AUTS2: variants seen among roughly 807,000 people sequenced by gnomAD.
The protein encoded by AUTS2 is activator of transcription and developmental regulator AUTS2.
A neutral mutation model predicts 112.4 loss-of-function variants in AUTS2; 17 were observed. The observed-to-expected ratio is 0.15, with a 90% CI of 0.10 to 0.23. AUTS2 has a LOEUF of 0.23. Among genes scored for constraint, AUTS2 ranks in the 10% least tolerant of loss-of-function variants. The probability of loss-of-function intolerance (pLI) is 1.00; values close to 1 mark genes in which losing one functional copy is unlikely to be tolerated. For missense variants in AUTS2, 1,510 were observed against 1,701.6 expected, an observed-to-expected ratio of 0.89 and a Z score of 1.98; for synonymous variants, 751 against 702.7, an observed-to-expected ratio of 1.07 and a Z score of -1.09.
At chr7:70,137,035 G>A (rs1806601809) in intron 4 of AUTS2, among the ~76,000 whole-genome samples, 1 of 152,180 alleles carries the variant, frequency 6.6e-6, no homozygotes, top group Admixed American at 6.5e-5. Context: ...TTTATCTGTA[G>A]TGATACATTC....
intron 2 of AUTS2, among the ~76,000 whole-genome samples, chr7:70,011,872 G>C (rs1799821526): frequency 6.6e-6 from 1 of 152,138 alleles, no homozygotes; most frequent in Non-Finnish European, 1.5e-5. Context: ...GCTAGACGAA[G>C]TTTCCCTCTG....
At chr7:69,614,368 T>TTTCTTTCTTTCTTTTC in intron 1 of AUTS2, among the ~76,000 whole-genome samples, 6 of 19,514 alleles carry the variant, frequency 3.1e-4, no homozygotes, top group African/African-American at 7.6e-4. Flanking sequence ...TTCTTTCTTT[T>TTTCTTTCTTTCTTTTC]TTTAAGAGAT....
intron 1 of AUTS2, among the ~76,000 whole-genome samples, chr7:69,877,280 C>T (rs751080098): frequency 5.3e-5 from 8 of 152,166 alleles, no homozygotes; most frequent in Non-Finnish European, 7.3e-5. Context: ...AGGAAGCTTG[C>T]TTCCCTGTGC....
chr7:70,565,608 A>C (rs1185334006), intron 5 of AUTS2, among the ~76,000 whole-genome samples: 1 of 152,202 alleles, frequency 6.6e-6, no homozygotes, highest in African/African-American at 2.4e-5. Flanking sequence ...TGAGCACAGG[A>C]GGTTGAGGCT....
chr7:70,070,699 T>C lies in AUTS2; in HGVS notation c.523-47433T>C, dbSNP rs190598710. ...GGCTAACACGGTGAAACCCCGTCTC[T>C]ACTAAAAATACAAAAAATTAGCCGA... On this transcript the variant is annotated intron_variant, in intron 2 of 18. Coordinates refer to ENST00000342771, the MANE Select transcript of AUTS2 (RefSeq NM_015570.4). 3.1e-3 allele frequency among the ~76,000 whole-genome samples: 471 copies of C among 151,924 alleles called. 9 individuals carry two copies. The highest frequency in any genetic ancestry group is 0.028 in the Admixed American group (425 of 15,262).
intron 2 of AUTS2, among the ~76,000 whole-genome samples, chr7:70,052,469 A>G (rs971791813): frequency 2.0e-5 from 3 of 152,150 alleles, no homozygotes; most frequent in Non-Finnish European, 2.9e-5. Flanking sequence ...AGATTTTCCC[A>G]GTCATATATA....
intron 4 of AUTS2, among the ~76,000 whole-genome samples, chr7:70,279,901 G>C (rs1788124154): frequency 6.6e-6 from 1 of 152,178 alleles, no homozygotes; most frequent in Admixed American, 6.5e-5. Context: ...TACAGTAAGA[G>C]TTATATAATA....
chr7:70,619,603 A>T (rs1436494089), intron 5 of AUTS2, among the ~76,000 whole-genome samples: 1 of 151,324 alleles, frequency 6.6e-6, no homozygotes, highest in South Asian at 2.1e-4. Context: ...AATATATTGT[A>T]TATTTTATAA....
chr7:69,767,133 A>G (rs1205300887), intron 1 of AUTS2, among the ~76,000 whole-genome samples: 1 of 152,034 alleles, frequency 6.6e-6, no homozygotes, highest in African/African-American at 2.4e-5. Flanking sequence ...TCCATTGATT[A>G]TGCTAACATG....
chr7:70,406,347 G>C (rs989520908), intron 4 of AUTS2, among the ~76,000 whole-genome samples: 7 of 152,106 alleles, frequency 4.6e-5, no homozygotes, highest in Admixed American at 6.5e-5. Context: ...GTTGGAGCTG[G>C]TGTGACAAAT....
At chr7:70,620,192 C>G (rs1804597057) in intron 5 of AUTS2, among the ~76,000 whole-genome samples, 1 of 152,160 alleles carries the variant, frequency 6.6e-6, no homozygotes, top group Non-Finnish European at 1.5e-5. Context: ...AGAACAGACA[C>G]CTTCCTGAAA....
Position 70,764,908 on chromosome 7 carries a change from C to T in AUTS2, c.1371C>T (p.Pro457=). ...AGCCCCCCGCACACTCACATCACCC[C>T]AATATGTTTGCCCCTCCCACTGCTC... ...TLQPPAHSHH[P]NMFAPPTALP... is the part of the protein sequence containing the mutation. The change falls in exon 8 of 19, where the codon CCC becomes CCT. Residue 457 remains proline, a synonymous_variant. Coordinates refer to ENST00000342771, the MANE Select transcript of AUTS2 (RefSeq NM_015570.4). The T allele has an allele frequency of 3.7e-6, 6 of 1,610,650 alleles. No homozygotes were observed. The highest frequency in any genetic ancestry group is 5.1e-6 in the Non-Finnish European group (6 of 1,179,028).
At chr7:70,264,068 G>A (rs1199459250) in intron 4 of AUTS2, among the ~76,000 whole-genome samples, 1 of 152,162 alleles carries the variant, frequency 6.6e-6, no homozygotes, top group African/African-American at 2.4e-5. Flanking sequence ...AATTGGCAAT[G>A]CTCCTTTCTC....
At chr7:69,695,588 A>G (rs989105459) in intron 1 of AUTS2, among the ~76,000 whole-genome samples, 1 of 152,184 alleles carries the variant, frequency 6.6e-6, no homozygotes, top group Non-Finnish European at 1.5e-5. Flanking sequence ...AACAAAATTA[A>G]TTGGGCAAAT....
intron 2 of AUTS2, among the ~76,000 whole-genome samples, chr7:70,080,572 A>G (rs190001164): frequency 1.1e-3 from 164 of 152,328 alleles, no homozygotes; most frequent in Middle Eastern, 3.4e-3. Context: ...TACATGATTT[A>G]TATCAGTAAA....
chr7:69,647,357 CTTTTT>C (rs200874078), intron 1 of AUTS2, among the ~76,000 whole-genome samples: 1 of 142,718 alleles, frequency 7.0e-6, no homozygotes, highest in Non-Finnish European at 1.5e-5. Context: ...CTTTCACTAT[CTTTTT>C]TTTTTTTTTT....
rs144980974 is a variant in AUTS2, at chr7:70,438,946, T to C, written c.690+3165T>C. Among the ~76,000 whole-genome samples, 15 of 152,346 alleles carry C rather than the reference T, an allele frequency of 9.8e-5. No individual in the cohort carries two copies. In the East Asian group the frequency reaches 2.7e-3, roughly 27 times the overall value. On this transcript the variant is annotated intron_variant, in intron 5 of 18. Coordinates refer to ENST00000342771, the MANE Select transcript of AUTS2 (RefSeq NM_015570.4). ...CTGCCATTCTCTTACTCCATAGGGA[T>C]CTGCAGAACCGGCAGGCTAAAATTA...
intron 4 of AUTS2, chr7:70,292,597 T>C (rs1217129245): frequency 1.3e-5 from 2 of 152,182 alleles, no homozygotes; most frequent in Non-Finnish European, 2.9e-5. Context: ...GGGATGGAGA[T>C]TGGAGTGGAC....
chr7:69,807,061 C>T (rs1790342133), intron 1 of AUTS2, among the ~76,000 whole-genome samples: 1 of 151,986 alleles, frequency 6.6e-6, no homozygotes, highest in Non-Finnish European at 1.5e-5. Flanking sequence ...CTCATGTTGC[C>T]TCCCTAAAAC....
Sources: allele counts gnomAD v4.1 joint callset (sites outside exome capture counted in the v4.1 genomes callset), GRCh38; gene constraint gnomAD v4.1.1; transcripts MANE v1.5; gene names NCBI Gene and HGNC (gene_info 2026-07-23, HGNC 2026-07-21).